CCDC92: variants seen among roughly 807,000 people sequenced by gnomAD.
The protein encoded by CCDC92 is coiled-coil domain containing 92, also known as coiled-coil domain-containing protein 92.
A neutral mutation model predicts 24.9 loss-of-function variants in CCDC92; 12 were observed. The ratio of observed to expected loss-of-function variants is 0.48; its 90% CI spans 0.31 to 0.78. The LOEUF is 0.78. Ranked by LOEUF, CCDC92 falls within the 30% of genes least tolerant of loss-of-function variation. The pLI is 0.05. For synonymous variants in CCDC92, 193 were observed against 196.3 expected (o/e 0.98, Z 0.14); for missense variants, 399 against 439.4 (o/e 0.91, Z 0.82).
chr12:123,972,241 C>T (rs1956570571), intron 1 of CCDC92, among the ~76,000 whole-genome samples: 1 of 151,936 alleles, frequency 6.6e-6, no homozygotes, highest in Non-Finnish European at 1.5e-5. Context: ...CGGGGGCGGG[C>T]GCGGGGGTCG....
At chr12:123,954,999 G>A (rs573794619) in intron 1 of CCDC92, among the ~76,000 whole-genome samples, 20 of 152,362 alleles carry the variant, frequency 1.3e-4, no homozygotes, top group Non-Finnish European at 2.8e-4. Flanking sequence ...GACCGATGGG[G>A]CCATGGAGGT....
At chr12:123,953,360 A>G (rs1370017288) in intron 1 of CCDC92, among the ~76,000 whole-genome samples, 1 of 152,194 alleles carries the variant, frequency 6.6e-6, no homozygotes, top group Non-Finnish European at 1.5e-5. Flanking sequence ...AAAATAGTGT[A>G]GATCTATATT....
intron 1 of CCDC92, among the ~76,000 whole-genome samples, chr12:123,958,967 C>T (rs1032124815): frequency 3.3e-5 from 5 of 152,200 alleles, no homozygotes; most frequent in African/African-American, 1.2e-4. Flanking sequence ...TTCTCTCCCT[C>T]GGTTGCACTC....
chr12:123,949,683 A>G (rs140752314), intron 1 of CCDC92, among the ~76,000 whole-genome samples: 14 of 152,370 alleles, frequency 9.2e-5, no homozygotes, highest in African/African-American at 2.9e-4. Flanking sequence ...TAGGTAAATT[A>G]ATTTACTGTT....
At chr12:123,948,579 G>C (rs1372106178) in intron 1 of CCDC92, among the ~76,000 whole-genome samples, 1 of 152,212 alleles carries the variant, frequency 6.6e-6, no homozygotes, top group African/African-American at 2.4e-5. Context: ...CCCTCACAGT[G>C]GGGGACAAGG....
At chr12:123,955,992 C>G (rs1333187775) in intron 1 of CCDC92, among the ~76,000 whole-genome samples, 1 of 152,188 alleles carries the variant, frequency 6.6e-6, no homozygotes, top group East Asian at 1.9e-4. Flanking sequence ...CAAGCAAAAG[C>G]AAGCCAACTC....
At chr12:123,970,606 CA>C (rs764453598) in intron 1 of CCDC92, among the ~76,000 whole-genome samples, 1 of 152,216 alleles carries the variant, frequency 6.6e-6, no homozygotes, top group African/African-American at 2.4e-5. Context: ...CAATCTGACT[CA>C]AACATTTACT....
intron 1 of CCDC92, among the ~76,000 whole-genome samples, chr12:123,964,364 TA>T (rs1956342913): frequency 6.6e-6 from 1 of 151,734 alleles, no homozygotes; most frequent in South Asian, 2.1e-4. Context: ...CTTTCATATC[TA>T]TTTTTGTGAA....
At chr12:123,967,411 G>A (rs1956419247) in intron 1 of CCDC92, among the ~76,000 whole-genome samples, 1 of 152,176 alleles carries the variant, frequency 6.6e-6, no homozygotes, top group Non-Finnish European at 1.5e-5. Flanking sequence ...TTATCAATGT[G>A]CAAGATTTGG....
chr12:123,941,359 C>T (rs1267198942), intron 4 of CCDC92, among the ~76,000 whole-genome samples: 1 of 152,202 alleles, frequency 6.6e-6, no homozygotes, highest in Non-Finnish European at 1.5e-5. Flanking sequence ...CCCACGGCGC[C>T]TTCCCTACCA....
At chr12:123,946,025 C>CCCCGCCATCCA in intron 1 of CCDC92, 76 of 156,752 alleles carry the variant, frequency 4.8e-4, no homozygotes, top group East Asian at 5.8e-4. Flanking sequence ...TGCTGGCATC[C>CCCCGCCATCCA]TGCTTTGAAA....
chr12:123,972,080 T>A (rs1956561843), intron 1 of CCDC92: 1 of 152,120 alleles, frequency 6.6e-6, no homozygotes, highest in African/African-American at 2.4e-5. Context: ...TCCCTCGCCC[T>A]GCGATCCCAC....
intron 1 of CCDC92, among the ~76,000 whole-genome samples, chr12:123,969,047 A>C (rs1956459304): frequency 6.6e-6 from 1 of 152,244 alleles, no homozygotes. Flanking sequence ...TCTTAGCCAC[A>C]GACTGGAGTC....
In CCDC92 at chr12:123,937,393, C is replaced by A. The variant is rs765446883; in HGVS notation, c.661G>T (p.Val221Phe). 13 of 1,613,862 alleles carry A rather than the reference C, an allele frequency of 8.1e-6. No homozygotes were observed. The highest frequency in any genetic ancestry group is 2.2e-5 in the East Asian group (1 of 44,884). ...SAPLHPEFEE[V>F]YRFGAESRKL... ...CTGCTCTCTGCCCCGAATCTGTAGA[C>A]CTCTTCAAATTCCGGGTGCAAGGGG... Residue 221 changes from valine (V) to phenylalanine (F), a missense_variant, in exon 5 of 5, where the codon GTC becomes TTC. Val to Phe is a conservative substitution (Grantham distance 50). Coordinates refer to ENST00000238156, the MANE Select transcript of CCDC92 (RefSeq NM_025140.3). This position sits in a 1 kb window ranked among gnomAD's most constrained non-coding sequence, Gnocchi z 8.4.
chr12:123,968,544 A>G (rs1478574909), intron 1 of CCDC92: 1 of 152,194 alleles, frequency 6.6e-6, no homozygotes, highest in Non-Finnish European at 1.5e-5. Context: ...GGCCAGAAAA[A>G]CTTGATATTC....
intron 1 of CCDC92, chr12:123,966,737 C>G (rs1956401165): frequency 6.6e-6 from 1 of 152,262 alleles, no homozygotes; most frequent in South Asian, 2.1e-4. Flanking sequence ...GGTCACTGCA[C>G]AGGCAGGTCC....
At chr12:123,940,252 A>G (rs575818157) in intron 4 of CCDC92, among the ~76,000 whole-genome samples, 1 of 152,214 alleles carries the variant, frequency 6.6e-6, no homozygotes, top group Non-Finnish European at 1.5e-5. Context: ...AACCTGCCCA[A>G]GGCCACACAG....
chr12:123,961,222 T>G (rs1956265153), intron 1 of CCDC92: 1 of 152,238 alleles, frequency 6.6e-6, no homozygotes, highest in Non-Finnish European at 1.5e-5. Flanking sequence ...TCAGGCTGCA[T>G]AAATCCTGGA....
rs1346393740 is a variant in CCDC92, at chr12:123,937,698, A to G, written c.356T>C (p.Leu119Pro). Residue 119 changes from leucine (L) to proline (P), a missense_variant, in exon 5 of 5, where the codon CTG becomes CCG. Physicochemically the swap from Leu to Pro is moderately conservative, Grantham distance 98. Coordinates refer to ENST00000238156, the MANE Select transcript of CCDC92 (RefSeq NM_025140.3). This position sits in a 1 kb window ranked among gnomAD's most constrained non-coding sequence, Gnocchi z 8.4. ...LEQKNAMITVLENTIKEREKK... is the reference protein window; with the variant it reads ...LEQKNAMITVPENTIKEREKK... ...CTCTCGCTCCTTGATGGTGTTCTCC[A>G]GCACTGTGATCATCGCGTTTTTCTG... The G allele has an allele frequency of 6.2e-7, 1 of 1,614,046 alleles. No individual in the cohort carries two copies. Among genetic ancestry groups the G allele is most frequent in the Non-Finnish European group, 8.5e-7 (1 of 1,180,058 alleles).
Sources: allele counts gnomAD v4.1 joint callset (sites outside exome capture counted in the v4.1 genomes callset), GRCh38; gene constraint gnomAD v4.1.1; non-coding constraint Gnocchi (gnomAD v3.1); transcripts MANE v1.5; gene names NCBI Gene and HGNC (gene_info 2026-07-23, HGNC 2026-07-21).